RDH5: variants seen among roughly 807,000 people sequenced by gnomAD.
The protein encoded by RDH5 is 11-cis RDH.
In RDH5, 25 loss-of-function variants were observed where a neutral mutation model predicts 24.0. That is an observed-to-expected ratio of 1.04 (90% CI 0.76 to 1.46). The LOEUF (loss-of-function observed/expected upper bound fraction) is 1.46, where lower values mean the gene tolerates loss of function less well. RDH5 is among the 40% of genes most tolerant of loss of function. The pLI, the probability that RDH5 is intolerant of heterozygous loss-of-function variation, is 0.00. For synonymous variants in RDH5, 170 were observed against 175.2 expected (o/e 0.97, Z 0.23); for missense variants, 369 against 410.3 (o/e 0.90, Z 0.87).
intron 3 of RDH5, chr12:55,722,543 GT>G (rs553815095): frequency 0.016 from 2,250 of 136,418 alleles, 53 homozygotes; most frequent in African/African-American, 0.053. Flanking sequence ...GTTTTTTTTT[GT>G]TTTTTTTTTT....
At position 55,724,042 on chromosome 12, in the gene RDH5, C is replaced by T. The variant is rs1031778240; in HGVS notation, c.726C>T (p.Leu242=). The T allele has an allele frequency of 6.2e-7, 1 of 1,610,028 alleles. No individual in the cohort carries two copies. Among genetic ancestry groups the T allele is most frequent in the Non-Finnish European group, 8.5e-7 (1 of 1,179,624 alleles). ...ATQAHYGGAF[L]TKYLKMQQRI... is the part of the protein sequence containing the mutation. ...AGGCCCACTATGGGGGGGCCTTCCT[C>T]ACCAAGTGTGAGTAGCCAGGCCCAC... The change falls in exon 4 of 5, where the codon CTC becomes CTT. Residue 242 remains leucine (L), a synonymous_variant. Transcript: ENST00000257895.
At position 55,724,354 on chromosome 12, in the gene RDH5, A is replaced by T. The variant is rs1877094241; in HGVS notation, c.766A>T (p.Ile256Phe). The T allele has an allele frequency of 1.2e-6, 2 of 1,614,054 alleles. No homozygotes were observed. Among genetic ancestry groups the T allele is most frequent in the African/African-American group, 2.7e-5 (2 of 74,902 alleles). ...LKMQQRIMNL[I>F]CDPDLTKVSR... ...AATGCAACAGCGCATCATGAACCTG[A>T]TCTGTGACCCGGACCTAACCAAGGT... is the stretch of plus-strand genomic sequence containing the variant. The change falls in exon 5 of 5, where the codon ATC (isoleucine) becomes TTC (phenylalanine). Residue 256 changes from isoleucine to phenylalanine, a missense_variant. Ile to Phe is a conservative substitution (Grantham distance 21). Coordinates refer to ENST00000257895, the MANE Select transcript of RDH5 (RefSeq NM_002905.5).
Position 55,721,377 on chromosome 12 carries a change from G to A in RDH5, c.193G>A (p.Ala65Thr). 6.2e-7 allele frequency: 1 copy of A among 1,613,932 alleles called. No individual in the cohort carries two copies. The highest frequency in any genetic ancestry group is 8.5e-7 in the Non-Finnish European group (1 of 1,180,028). ...GGCCAGCTGCCTGACCCCCTCCGGGGCCGAGGACCTGCAGCGGGTGGCCTC... is the reference window on the plus strand; with the variant it reads ...GGCCAGCTGCCTGACCCCCTCCGGGACCGAGGACCTGCAGCGGGTGGCCTC... ...VLASCLTPSG[A>T]EDLQRVASSR... Residue 65 changes from alanine to threonine, a missense_variant, in exon 2 of 5, where the codon GCC becomes ACC. Ala to Thr is a moderately conservative substitution (Grantham distance 58, BLOSUM62 0). Coordinates refer to ENST00000257895, the MANE Select transcript of RDH5 (RefSeq NM_002905.5). The surrounding 1 kb of genome is among the most constrained non-coding windows in gnomAD (Gnocchi z 4.7).
intron 4 of RDH5, 112 bp from the exon 5 acceptor site, chr12:55,724,210 C>T: frequency 6.9e-7 from 1 of 1,459,740 alleles, no homozygotes; most frequent in Non-Finnish European, 9.5e-7. Context: ...CTGCCCACTC[C>T]CCACACTGAG....
rs1592520281 is a variant in RDH5, at chr12:55,721,050, A to G, written c.-32-103A>G. On this transcript the variant is annotated intron_variant, in intron 1 of 4. Transcript: ENST00000257895. The surrounding 1 kb of genome is among the most constrained non-coding windows in gnomAD (Gnocchi z 4.7). ...TGGCCAATTATCTGCCAACCAGATAATTTCTCAATATGCTCACACCAGATG... is the reference window on the plus strand; with the variant it reads ...TGGCCAATTATCTGCCAACCAGATAGTTTCTCAATATGCTCACACCAGATG... 1 of 794,030 alleles carries G rather than the reference A, an allele frequency of 1.3e-6. No homozygotes were observed. The allele number at this position is 794,030 out of a possible 1,614,324, so 49.2% of individuals were successfully genotyped here. A position where few individuals can be genotyped will look rare whatever the true frequency, so the allele number is the denominator to read the frequency against.
intron 3 of RDH5, chr12:55,723,597 C>T (rs1795251802): frequency 4.8e-6 from 2 of 418,836 alleles, no homozygotes; most frequent in South Asian, 4.4e-5. Flanking sequence ...TATATAAGTA[C>T]CTGATAATAT....
At chr12:55,722,996 T>C (rs1876998042) in intron 3 of RDH5, 1 of 152,236 alleles carries the variant, frequency 6.6e-6, no homozygotes. Context: ...ACTTTTAGTT[T>C]TGAGACAAGG....
At chr12:55,723,827 C>T in intron 3 of RDH5, 59 bp from the exon 4 acceptor site, 1 of 1,598,792 alleles carries the variant, frequency 6.3e-7, no homozygotes, top group South Asian at 1.1e-5. Context: ...ACCCATGTCC[C>T]TCAAAGTCCC....
At chr12:55,724,161 T>C (rs779468421) in intron 4 of RDH5, 112 bp downstream of exon 4, 108 of 1,471,438 alleles carry the variant, frequency 7.3e-5, no homozygotes, top group Non-Finnish European at 9.5e-5. Flanking sequence ...GGGTTGAGGG[T>C]GAACAGGATG....
At chr12:55,722,574 T>C (rs1266579317) in intron 3 of RDH5, 2 of 151,870 alleles carry the variant, frequency 1.3e-5, no homozygotes, top group Admixed American at 1.3e-4. Flanking sequence ...TTGCTCTTGT[T>C]GCCTAGGCTG....
At position 55,724,472 on chromosome 12, in the gene RDH5, C is replaced by T. The variant is rs1877106874; in HGVS notation, c.884C>T (p.Ser295Phe). Residue 295 changes from serine (S) to phenylalanine (F), a missense_variant, in exon 5 of 5, where the codon TCC becomes TTC. Ser to Phe is a radical substitution (Grantham distance 155). Transcript: ENST00000257895. ...WDAKLLWLPA[S>F]YLPASLVDAV... ...GCCAAGCTGCTCTGGCTGCCTGCCTCCTACCTGCCAGCCAGCCTGGTGGAT... is the reference window on the plus strand; with the variant it reads ...GCCAAGCTGCTCTGGCTGCCTGCCTTCTACCTGCCAGCCAGCCTGGTGGAT... The T allele has an allele frequency of 5.0e-6, 8 of 1,613,978 alleles. No homozygotes were observed. Among genetic ancestry groups the T allele is most frequent in the Non-Finnish European group, 6.8e-6 (8 of 1,180,040 alleles).
At position 55,721,402 on chromosome 12, in the gene RDH5, C is replaced by T. The variant is rs62638185; in HGVS notation, c.218C>T (p.Ser73Phe). Residue 73 changes from serine (S) to phenylalanine (F), a missense_variant, in exon 2 of 5, where the codon TCC becomes TTC. Coordinates refer to ENST00000257895, the MANE Select transcript of RDH5 (RefSeq NM_002905.5). This position sits in a 1 kb window ranked among gnomAD's most constrained non-coding sequence, Gnocchi z 4.7. Reference sequence around the variant, plus strand: ...GCCGAGGACCTGCAGCGGGTGGCCTCCTCCCGCCTCCACACCACCCTGTTG... The same window carrying T: ...GCCGAGGACCTGCAGCGGGTGGCCTTCTCCCGCCTCCACACCACCCTGTTG... ...SGAEDLQRVA[S>F]SRLHTTLLDI... The T allele has an allele frequency of 1.9e-6, 3 of 1,613,900 alleles. No homozygotes were observed. Among genetic ancestry groups the T allele is most frequent in the Non-Finnish European group, 2.5e-6 (3 of 1,180,032 alleles).
chr12:55,721,388 G>A lies in RDH5; in HGVS notation c.204G>A (p.Leu68=). 2 of 1,613,850 alleles carry A rather than the reference G, an allele frequency of 1.2e-6. No homozygotes were observed. Among genetic ancestry groups the A allele is most frequent in the South Asian group, 1.1e-5 (1 of 91,078 alleles). The change falls in exon 2 of 5, where the codon CTG becomes CTA. Residue 68 remains leucine, a synonymous_variant. Coordinates refer to ENST00000257895, the MANE Select transcript of RDH5 (RefSeq NM_002905.5). The surrounding 1 kb of genome is among the most constrained non-coding windows in gnomAD (Gnocchi z 4.7). ...TGACCCCCTCCGGGGCCGAGGACCT[G>A]CAGCGGGTGGCCTCCTCCCGCCTCC... is the stretch of plus-strand genomic sequence containing the variant. ...SCLTPSGAED[L]QRVASSRLHT...
At chr12:55,720,899 A>AG (rs1158895164) in intron 1 of RDH5, 1 of 347,990 alleles carries the variant, frequency 2.9e-6, no homozygotes, top group East Asian at 5.2e-5. Context: ...AAAAAAAAAA[A>AG]AAAAAAAGAT....
intron 4 of RDH5, 40 bp downstream of exon 4, chr12:55,724,089 C>T: frequency 6.3e-7 from 1 of 1,594,910 alleles, no homozygotes; most frequent in Non-Finnish European, 8.5e-7. Context: ...TGAAGGGAAA[C>T]AAGTACCAGA....
intron 4 of RDH5, 118 bp from the exon 5 acceptor site, chr12:55,724,204 C>T: frequency 7.0e-7 from 1 of 1,433,210 alleles, no homozygotes; most frequent in Non-Finnish European, 9.7e-7. Context: ...TGGAACCTGC[C>T]CACTCCCCAC....
rs893725422 is a variant in RDH5 at position 55,723,970 on chromosome 12, G to A, written c.654G>A (p.Leu218=). The A allele has an allele frequency of 6.2e-7, 1 of 1,614,110 alleles. No individual in the cohort carries two copies. Among genetic ancestry groups the A allele is most frequent in the Non-Finnish European group, 8.5e-7 (1 of 1,180,044 alleles). ...FRTPVTNLES[L]EKTLQACWAR... ...CCCCTGTGACCAACCTGGAGAGTCT[G>A]GAGAAAACCCTGCAGGCCTGCTGGG... The change falls in exon 4 of 5, where the codon CTG becomes CTA. Residue 218 remains leucine (L), a synonymous_variant. Coordinates refer to ENST00000257895, the MANE Select transcript of RDH5 (RefSeq NM_002905.5).
rs1876890590 is a variant in RDH5 at position 55,721,101 on chromosome 12, G to A, written c.-32-52G>A. 3 of 1,265,038 alleles carry A rather than the reference G, an allele frequency of 2.4e-6. No homozygotes were observed. The highest frequency in any genetic ancestry group is 4.7e-5 in the East Asian group (2 of 43,006). The allele number at this position is 1,265,038 out of a possible 1,614,324, so 78.4% of individuals were successfully genotyped here. On this transcript the variant is annotated intron_variant, in intron 1 of 4. Coordinates refer to ENST00000257895, the MANE Select transcript of RDH5 (RefSeq NM_002905.5). The surrounding 1 kb of genome is among the most constrained non-coding windows in gnomAD (Gnocchi z 4.7). ...CTTCCAGCTAGGGAGGGTATTAGGG[G>A]AAAGGGCTTGAGGGCCACAGTAAAC...
rs946804359 is a variant in RDH5, at chr12:55,722,172, A to G, written c.569+225A>G. On this transcript the variant is annotated intron_variant, in intron 3 of 4. Transcript: ENST00000257895. ...ACGTGTTTGTTTTTTGTTTTTTGAG[A>G]TGGAGTCTTGCTCTGTCGCCAGGCT... The G allele has an allele frequency of 1.1e-5, 6 of 546,960 alleles. No individual in the cohort carries two copies. In the African/African-American group the frequency reaches 1.1e-4, roughly 10 times the overall value. 33.9% of individuals were successfully genotyped at this position (546,960 alleles called of 1,614,324 possible).
Sources: allele counts gnomAD v4.1 joint callset, GRCh38; gene constraint gnomAD v4.1.1; non-coding constraint Gnocchi (gnomAD v3.1); transcripts MANE v1.5; gene names NCBI Gene and HGNC (gene_info 2026-07-23, HGNC 2026-07-21).